Variants in PDE1A observed in about 807,000 individuals in gnomAD.
The protein encoded by PDE1A is dual specificity calcium/calmodulin-dependent 3',5'-cyclic nucleotide phosphodiesterase 1A.
Under a neutral mutation model 61.7 loss-of-function variants are expected in PDE1A, and 35 were observed. The ratio of observed to expected loss-of-function variants is 0.57; its 90% CI spans 0.43 to 0.75. The LOEUF (loss-of-function observed/expected upper bound fraction) is 0.75, where lower values mean the gene tolerates loss of function less well. PDE1A is among the 30% of genes least tolerant of loss of function. The pLI is 0.00. For synonymous variants in PDE1A, 232 were observed against 213.2 expected (o/e 1.09, Z -0.77); for missense variants, 597 against 630.6 (o/e 0.95, Z 0.57).
intron 2 of PDE1A, among the ~76,000 whole-genome samples, chr2:182,450,904 T>A (rs1685467482): frequency 6.6e-6 from 1 of 152,060 alleles, no homozygotes; most frequent in Non-Finnish European, 1.5e-5. Context: ...ATAGAGAATA[T>A]CAAAGTACGT....
intron 1 of PDE1A, among the ~76,000 whole-genome samples, chr2:182,325,086 G>C (rs1185570559): frequency 6.6e-6 from 1 of 152,108 alleles, no homozygotes; most frequent in Non-Finnish European, 1.5e-5. Context: ...TAAAATCCCA[G>C]GGTACAAACA....
At chr2:182,423,317 C>T (rs1039091467) in intron 1 of PDE1A, among the ~76,000 whole-genome samples, 6 of 152,046 alleles carry the variant, frequency 3.9e-5, no homozygotes, top group Admixed American at 3.3e-4. Context: ...GATTTGATAA[C>T]CTAACTACAG....
At chr2:182,642,830 C>CTGAAAAT in the PDE1A span, among the ~76,000 whole-genome samples, 10 of 152,216 alleles carry the variant, frequency 6.6e-5, no homozygotes, top group South Asian at 2.1e-4. Flanking sequence ...GGCTTAAATC[C>CTGAAAAT]TGAAAATTGC....
chr2:182,150,931 G>T (rs1017329992), intron 13 of PDE1A, among the ~76,000 whole-genome samples: 2 of 152,126 alleles, frequency 1.3e-5, no homozygotes, highest in Admixed American at 1.3e-4. Flanking sequence ...TCCAGTCAGG[G>T]TCTCACTAAC....
chr2:182,687,509 C>T, the PDE1A span, among the ~76,000 whole-genome samples: 1 of 152,130 alleles, frequency 6.6e-6, no homozygotes, highest in Admixed American at 6.5e-5. Context: ...ACAGAAAGGA[C>T]ATCCACACCA....
the PDE1A span, among the ~76,000 whole-genome samples, chr2:182,657,048 C>G: frequency 6.6e-6 from 1 of 152,098 alleles, no homozygotes; most frequent in Non-Finnish European, 1.5e-5. Context: ...CATGGTGAAA[C>G]CCCCTCTCTA....
At chr2:182,579,288 T>A in the PDE1A span, among the ~76,000 whole-genome samples, 1 of 152,250 alleles carries the variant, frequency 6.6e-6, no homozygotes, top group East Asian at 1.9e-4. Flanking sequence ...ACTCACTTGC[T>A]TGCTACGTAG....
intron 1 of PDE1A, among the ~76,000 whole-genome samples, chr2:182,327,721 G>T (rs1445338712): frequency 1.3e-5 from 2 of 152,206 alleles, no homozygotes; most frequent in East Asian, 3.9e-4. Context: ...ATTCCAGTGG[G>T]TTTGAGAAGT....
intron 7 of PDE1A, among the ~76,000 whole-genome samples, chr2:182,212,326 G>A (rs1687689713): frequency 6.6e-6 from 1 of 151,882 alleles, no homozygotes; most frequent in Non-Finnish European, 1.5e-5. Flanking sequence ...TAACATATGT[G>A]TTACTTCACA....
chr2:182,703,998 C>G, the PDE1A span, among the ~76,000 whole-genome samples: 1 of 150,524 alleles, frequency 6.6e-6, no homozygotes, highest in East Asian at 2.0e-4. Flanking sequence ...GTTAGGAGTT[C>G]GAGACAAGCC....
rs115958997 is a variant in PDE1A at position 182,356,513 on chromosome 2, C to A, written c.53+70065G>T. Among the ~76,000 whole-genome samples the A allele has an allele frequency of 3.2e-3, 494 of 152,022 alleles. 5 individuals carry two copies. Among genetic ancestry groups the A allele is most frequent in the African/African-American group, 0.011 (477 of 41,496 alleles). Reference sequence around the variant, plus strand: ...AAAGTGGTTCTCAGCACTTTGGGAGCCCGAAGCAGGCGGATCACTGGAGCT... The same window carrying A: ...AAAGTGGTTCTCAGCACTTTGGGAGACCGAAGCAGGCGGATCACTGGAGCT... On this transcript the variant is annotated intron_variant, in intron 1 of 13. Transcript: ENST00000351439.
At chr2:182,526,145 T>C (rs372035834), upstream of PDE1A, among the ~76,000 whole-genome samples, 12 of 152,284 alleles carry the variant, frequency 7.9e-5, no homozygotes, top group South Asian at 6.2e-4. Flanking sequence ...TACATTATGT[T>C]TTCACTGACA....
chr2:182,561,691 T>C, the PDE1A span, among the ~76,000 whole-genome samples: 2 of 152,270 alleles, frequency 1.3e-5, no homozygotes, highest in East Asian at 1.9e-4. Flanking sequence ...CCCATGAGCA[T>C]GGAATGTTCT....
At chr2:182,692,563 A>G in the PDE1A span, among the ~76,000 whole-genome samples, 2 of 151,932 alleles carry the variant, frequency 1.3e-5, no homozygotes, top group East Asian at 3.9e-4. Flanking sequence ...AGATATACCT[A>G]ATGTAAATTA....
chr2:182,231,131 C>T (rs758350847), exon 5 of PDE1A: 3 of 1,505,388 alleles, frequency 2.0e-6, no homozygotes, highest in Non-Finnish European at 2.8e-6. Context: ...TTATCAACAT[C>T]CTGTAGAAAA....
intron 1 of PDE1A, among the ~76,000 whole-genome samples, chr2:182,272,308 C>A (rs1187477362): frequency 6.6e-6 from 1 of 152,112 alleles, no homozygotes; most frequent in African/African-American, 2.4e-5. Flanking sequence ...GGGCCCTGCA[C>A]TTTCCTTAGT....
intron 2 of PDE1A, among the ~76,000 whole-genome samples, chr2:182,440,585 AAC>A (rs889395555): frequency 6.8e-6 from 1 of 147,994 alleles, no homozygotes; most frequent in Non-Finnish European, 1.5e-5. Flanking sequence ...GCATTATTAA[AAC>A]AAGATATATT....
chr2:182,196,548 G>C (rs1686147301), intron 10 of PDE1A, among the ~76,000 whole-genome samples: 1 of 151,638 alleles, frequency 6.6e-6, no homozygotes, highest in Non-Finnish European at 1.5e-5. Context: ...GTATAAACAG[G>C]AACACTTGTA....
At chr2:182,284,367 A>C (rs73977328) in intron 1 of PDE1A, among the ~76,000 whole-genome samples, 7,324 of 152,242 alleles carry the variant, frequency 0.048, 542 homozygotes, top group African/African-American at 0.17. Context: ...ACTGACTGAT[A>C]TATCACTAAG....
Sources: allele counts gnomAD v4.1 joint callset (sites outside exome capture counted in the v4.1 genomes callset), GRCh38; gene constraint gnomAD v4.1.1; transcripts MANE v1.5; gene names NCBI Gene and HGNC (gene_info 2026-07-23, HGNC 2026-07-21).